Variants in PPP2R5C observed in about 807,000 individuals in gnomAD.
The protein encoded by PPP2R5C is serine/threonine-protein phosphatase 2A 56 kDa regulatory subunit gamma isoform.
In PPP2R5C, 7 loss-of-function variants were observed where a neutral mutation model predicts 68.9. That is an observed-to-expected ratio of 0.10 (90% CI 0.06 to 0.19). PPP2R5C has a LOEUF of 0.19. PPP2R5C is among the 10% of genes least tolerant of loss of function. The pLI is 1.00. For missense variants in PPP2R5C, 348 were observed against 641.3 expected (o/e 0.54, Z 4.94); for synonymous variants, 210 against 222.2 (o/e 0.95, Z 0.49).
intron 1 of PPP2R5C, among the ~76,000 whole-genome samples, chr14:101,848,020 C>T (rs1266241422): frequency 6.6e-6 from 1 of 152,150 alleles, no homozygotes; most frequent in African/African-American, 2.4e-5. Flanking sequence ...AATTGCTCCC[C>T]ACCCATGCTT....
chr14:101,787,868 A>G (rs956098715), intron 3 of PPP2R5C, among the ~76,000 whole-genome samples: 1 of 151,996 alleles, frequency 6.6e-6, no homozygotes, highest in East Asian at 1.9e-4. Flanking sequence ...TATGCATGCT[A>G]AGTCATTTTT....
At chr14:101,905,614 G>A (rs1228538383) in intron 9 of PPP2R5C, among the ~76,000 whole-genome samples, 3 of 148,232 alleles carry the variant, frequency 2.0e-5, no homozygotes, top group Non-Finnish European at 4.5e-5. Context: ...CCAAGATCAC[G>A]CCATTGCACT....
chr14:101,868,427 C>T (rs1445139290), intron 2 of PPP2R5C, among the ~76,000 whole-genome samples: 1 of 152,192 alleles, frequency 6.6e-6, no homozygotes, highest in Non-Finnish European at 1.5e-5. Context: ...TCCTACTTCA[C>T]CCCTCCCCAG....
At chr14:101,892,315 A>G (rs2044987913) in intron 6 of PPP2R5C, among the ~76,000 whole-genome samples, 1 of 149,094 alleles carries the variant, frequency 6.7e-6, no homozygotes, top group Non-Finnish European at 1.5e-5. Flanking sequence ...CCAACATTAG[A>G]ATAACATACC....
intron 2 of PPP2R5C, among the ~76,000 whole-genome samples, chr14:101,770,475 A>G (rs1344164870): frequency 6.6e-6 from 1 of 152,184 alleles, no homozygotes; most frequent in African/African-American, 2.4e-5. Context: ...ACAAGATGGA[A>G]CCCATTTCAT....
At chr14:101,808,047 A>T (rs2039143358), upstream of PPP2R5C, among the ~76,000 whole-genome samples, 1 of 150,784 alleles carries the variant, frequency 6.6e-6, no homozygotes, top group Non-Finnish European at 1.5e-5. Context: ...GAGCCCCTGA[A>T]CGCCTCGTTC....
intron 5 of PPP2R5C, among the ~76,000 whole-genome samples, chr14:101,885,200 A>G (rs2044415512): frequency 6.6e-6 from 1 of 152,230 alleles, no homozygotes; most frequent in African/African-American, 2.4e-5. Context: ...GCCACGCCCA[A>G]CACGGGCCTC....
chr14:101,864,128 C>A (rs891756322), intron 2 of PPP2R5C, among the ~76,000 whole-genome samples: 5 of 152,188 alleles, frequency 3.3e-5, no homozygotes, highest in Admixed American at 1.3e-4. Flanking sequence ...ATTCAGCACA[C>A]TGCCTTTTAT....
chr14:101,763,108 C>A (rs1209713535), intron 2 of PPP2R5C, 138 bp downstream of exon 2: 3 of 670,210 alleles, frequency 4.5e-6, no homozygotes, highest in East Asian at 2.8e-5. Context: ...TCTTTTATAA[C>A]CCTCAATTTT....
intron 11 of PPP2R5C, among the ~76,000 whole-genome samples, 192 bp from the exon 14 acceptor site, chr14:101,912,209 T>C (rs536837661): frequency 6.6e-6 from 1 of 152,250 alleles, no homozygotes; most frequent in Non-Finnish European, 1.5e-5. Flanking sequence ...TGTTAAATTT[T>C]TTTATATTTT....
chr14:101,805,052 C>T (rs375907581), upstream of PPP2R5C, among the ~76,000 whole-genome samples: 165 of 152,212 alleles, frequency 1.1e-3, 1 homozygote, highest in African/African-American at 3.8e-3. Context: ...TTAATGTCCT[C>T]GTGGAGAAAT....
Position 101,762,972 on chromosome 14 carries a change from T to C in PPP2R5C, c.93+2T>C. 1 of 1,568,468 alleles carries C rather than the reference T, an allele frequency of 6.4e-7. No individual in the cohort carries two copies. Among genetic ancestry groups the C allele is most frequent in the Non-Finnish European group, 8.7e-7 (1 of 1,155,022 alleles). ...GGACAAGACACAGTAGAATCAGAGG[T>C]AACTGTCATCAAATATTGACTTTGT... On this transcript the variant is annotated splice_donor_variant, in intron 2 of 14. Transcript: ENST00000328724. LOFTEE classifies it high-confidence loss of function.
chr14:101,885,324 C>T (rs537849587), intron 5 of PPP2R5C, among the ~76,000 whole-genome samples: 52 of 152,072 alleles, frequency 3.4e-4, no homozygotes, highest in Admixed American at 1.4e-3. Context: ...CCTCCCATCC[C>T]GTGCCGGCTT....
At chr14:101,923,956 T>G (rs2047149593) in intron 13 of PPP2R5C, among the ~76,000 whole-genome samples, 1 of 152,268 alleles carries the variant, frequency 6.6e-6, no homozygotes, top group Non-Finnish European at 1.5e-5. Flanking sequence ...ACTTAAATTT[T>G]GTCTGCTAGA....
At chr14:101,865,511 C>T (rs949804792) in intron 2 of PPP2R5C, among the ~76,000 whole-genome samples, 14 of 152,174 alleles carry the variant, frequency 9.2e-5, no homozygotes, top group African/African-American at 2.9e-4. Flanking sequence ...CCAAACCATG[C>T]GATAGAGTCA....
chr14:101,840,508 A>G (rs1264232298), intron 1 of PPP2R5C, among the ~76,000 whole-genome samples: 2 of 146,646 alleles, frequency 1.4e-5, no homozygotes, highest in African/African-American at 5.1e-5. Context: ...AAAAAAAAAA[A>G]AGCTCCACTC....
chr14:101,894,425 G>T, intron 7 of PPP2R5C, 82 bp from the exon 10 acceptor site: 1 of 1,319,400 alleles, frequency 7.6e-7, no homozygotes. Context: ...GCTGTGGGAA[G>T]GTGTTTAACG....
chr14:101,848,842 C>G (rs1419242830), intron 1 of PPP2R5C, among the ~76,000 whole-genome samples: 2 of 152,192 alleles, frequency 1.3e-5, no homozygotes, highest in African/African-American at 2.4e-5. Flanking sequence ...GTATCTTTAG[C>G]CTTTGTTATT....
Position 101,835,448 on chromosome 14 carries a change from C to G in PPP2R5C, c.95-21238C>G, listed in dbSNP as rs1289031731. 3.9e-5 allele frequency among the ~76,000 whole-genome samples: 6 copies of G among 152,170 alleles called. No individual in the cohort carries two copies. Among genetic ancestry groups the G allele is most frequent in the African/African-American group, 2.4e-5 (1 of 41,442 alleles). ...GGTATTTGGTTGGTGATCATGTTAT[C>G]AAGTCAGACTTGCAGTTAAGGTAGT... On this transcript the variant is annotated intron_variant, in intron 1 of 13. Transcript: ENST00000334743. This position sits in a 1 kb window ranked among gnomAD's most constrained non-coding sequence, Gnocchi z 5.0.
Sources: allele counts gnomAD v4.1 joint callset (sites outside exome capture counted in the v4.1 genomes callset), GRCh38; gene constraint gnomAD v4.1.1; non-coding constraint Gnocchi (gnomAD v3.1); transcripts MANE v1.5; gene names NCBI Gene and HGNC (gene_info 2026-07-23, HGNC 2026-07-21).